Variants in FGGY observed in about 807,000 individuals in gnomAD.
The protein encoded by FGGY is FGGY carbohydrate kinase domain-containing protein.
A neutral mutation model predicts 71.3 loss-of-function variants in FGGY; 72 were observed. The ratio of observed to expected loss-of-function variants is 1.01; its 90% confidence interval spans 0.84 to 1.23. The LOEUF (loss-of-function observed/expected upper bound fraction) is 1.23, where lower values mean the gene tolerates loss of function less well. FGGY is among the 50% of genes most tolerant of loss of function. The probability of loss-of-function intolerance (pLI) is 0.00; values close to 1 mark genes in which losing one functional copy is unlikely to be tolerated. For missense variants in FGGY, 668 were observed against 682.3 expected, an observed-to-expected ratio of 0.98 and a Z score of 0.23; for synonymous variants, 251 against 250.3, an observed-to-expected ratio of 1.00 and a Z score of -0.02.
intron 6 of FGGY, among the ~76,000 whole-genome samples, chr1:59,466,507 G>C (rs1042525394): frequency 2.0e-5 from 3 of 152,144 alleles, no homozygotes; most frequent in African/African-American, 7.2e-5. Flanking sequence ...TGACAAATGG[G>C]ATCTCATTAA....
At chr1:59,577,874 G>A (rs2153745244) in intron 8 of FGGY, among the ~76,000 whole-genome samples, 1 of 152,154 alleles carries the variant, frequency 6.6e-6, no homozygotes, top group Middle Eastern at 3.4e-3. Context: ...TTTAGCCCTA[G>A]CCAGCGCTGT....
intron 9 of FGGY, among the ~76,000 whole-genome samples, chr1:59,608,693 C>A (rs772225212): frequency 6.6e-6 from 1 of 152,044 alleles, no homozygotes; most frequent in Non-Finnish European, 1.5e-5. Flanking sequence ...ATTAGCTGGG[C>A]TCGATGGCAG....
At chr1:59,326,332 G>A (rs2047427637) in intron 2 of FGGY, among the ~76,000 whole-genome samples, 1 of 152,196 alleles carries the variant, frequency 6.6e-6, no homozygotes, top group African/African-American at 2.4e-5. Context: ...TTCTGTCTTG[G>A]TGCTATCTAT....
intron 6 of FGGY, among the ~76,000 whole-genome samples, chr1:59,495,179 GTTAT>G (rs2093993767): frequency 6.6e-6 from 1 of 152,000 alleles, no homozygotes; most frequent in Non-Finnish European, 1.5e-5. Context: ...TTTTAATGGG[GTTAT>G]TTTTCGCTTG....
intron 8 of FGGY, among the ~76,000 whole-genome samples, chr1:59,578,601 T>G (rs1309578665): frequency 6.6e-6 from 1 of 152,118 alleles, no homozygotes. Flanking sequence ...ACATATTTAC[T>G]GCTAGAAGCT....
At chr1:59,677,548 A>G (rs979808047) in intron 14 of FGGY, among the ~76,000 whole-genome samples, 2 of 152,164 alleles carry the variant, frequency 1.3e-5, no homozygotes, top group East Asian at 1.9e-4. Flanking sequence ...GCTTGAGGAG[A>G]CAGGGTTTTC....
At chr1:59,631,426 T>G (rs536238516) in intron 10 of FGGY, among the ~76,000 whole-genome samples, 10 of 152,322 alleles carry the variant, frequency 6.6e-5, no homozygotes, top group African/African-American at 2.4e-4. Flanking sequence ...TTTATTGTCT[T>G]ACAAAGGAAA....
chr1:59,403,393 G>T (rs887084401), intron 5 of FGGY, among the ~76,000 whole-genome samples: 6 of 152,024 alleles, frequency 3.9e-5, no homozygotes, highest in Admixed American at 2.0e-4. Context: ...TGCCTTTAGG[G>T]GACACTGAGC....
chr1:59,571,431 T>C (rs181610690), intron 8 of FGGY, among the ~76,000 whole-genome samples: 1 of 152,318 alleles, frequency 6.6e-6, no homozygotes, highest in East Asian at 1.9e-4. Flanking sequence ...AGCAAACAAT[T>C]ACAAAAATGT....
chr1:59,474,487 C>T (rs1475459799), intron 6 of FGGY, among the ~76,000 whole-genome samples: 1 of 152,180 alleles, frequency 6.6e-6, no homozygotes, highest in Non-Finnish European at 1.5e-5. Context: ...ACTCTTAGTC[C>T]TGTGGTGGTT....
At chr1:59,611,419 C>T (rs914640148) in intron 9 of FGGY, among the ~76,000 whole-genome samples, 5 of 152,196 alleles carry the variant, frequency 3.3e-5, no homozygotes, top group African/African-American at 4.8e-5. Flanking sequence ...CAATCTCCAA[C>T]AGACCTGCAG....
At chr1:59,321,352 C>G (rs1047938601) in intron 1 of FGGY, among the ~76,000 whole-genome samples, 184 bp from the exon 2 acceptor site, 2 of 152,178 alleles carry the variant, frequency 1.3e-5, no homozygotes, top group African/African-American at 4.8e-5. Flanking sequence ...TGCTGTTCAC[C>G]CACCATGTAG....
In FGGY at chr1:59,565,038, A is replaced by G. The variant is rs140108054; in HGVS notation, c.903+10811A>G. On this transcript the variant is annotated intron_variant, in intron 8 of 15. Coordinates refer to ENST00000303721, the MANE Select transcript of FGGY (RefSeq NM_018291.5). ...ATTGGCAGCATGGGTTCTTCTCCCA[A>G]GGGTACAAGGGAATGGGGTGGGATG... Among the ~76,000 whole-genome samples, 235 of 152,238 alleles carry G rather than the reference A, an allele frequency of 1.5e-3. 2 individuals carry two copies. The highest frequency in any genetic ancestry group is 5.5e-3 in the African/African-American group (227 of 41,544).
intron 9 of FGGY, among the ~76,000 whole-genome samples, chr1:59,610,587 G>A (rs573157825): frequency 3.3e-5 from 5 of 152,346 alleles, no homozygotes; most frequent in African/African-American, 4.8e-5. Flanking sequence ...CAGCATGAGC[G>A]ATGCAGACGA....
chr1:59,585,575 A>C (rs1186999879), intron 8 of FGGY, among the ~76,000 whole-genome samples: 2 of 152,198 alleles, frequency 1.3e-5, no homozygotes, highest in Admixed American at 1.3e-4. Flanking sequence ...TCCTAGAAGA[A>C]AACCTAGGCA....
intron 10 of FGGY, among the ~76,000 whole-genome samples, chr1:59,634,559 C>G (rs1321783205): frequency 6.6e-6 from 1 of 152,092 alleles, no homozygotes; most frequent in Non-Finnish European, 1.5e-5. Flanking sequence ...ACCATACTCT[C>G]TGGGCAGCCT....
chr1:59,571,964 A>G (rs1249595351), intron 8 of FGGY, among the ~76,000 whole-genome samples: 2 of 152,222 alleles, frequency 1.3e-5, no homozygotes, highest in African/African-American at 4.8e-5. Context: ...AATAATTACC[A>G]CAAATATCAG....
intron 8 of FGGY, among the ~76,000 whole-genome samples, chr1:59,573,592 A>G (rs1246991803): frequency 6.6e-6 from 1 of 152,170 alleles, no homozygotes; most frequent in East Asian, 1.9e-4. Flanking sequence ...TATTTTTACA[A>G]CTATTTCATA....
At chr1:59,694,805 G>A (rs1480386679) in intron 14 of FGGY, among the ~76,000 whole-genome samples, 3 of 151,568 alleles carry the variant, frequency 2.0e-5, no homozygotes, top group Non-Finnish European at 2.9e-5. Context: ...GACTATGGAT[G>A]TACTTCACAG....
Sources: gnomAD v4.1 joint callset for allele counts (sites outside exome capture counted in the v4.1 genomes callset) on GRCh38, gnomAD v4.1.1 for gene constraint, MANE v1.5 for transcripts, NCBI Gene and HGNC (gene_info 2026-07-23, HGNC 2026-07-21) for gene names.